NPNT: variants seen among roughly 807,000 people sequenced by gnomAD.
The protein encoded by NPNT is preosteoblast EGF-like repeat protein with MAM domain.
In NPNT, 45 loss-of-function variants were observed where a neutral mutation model predicts 68.6. The observed-to-expected ratio is 0.66, with a 90% CI of 0.52 to 0.84. The LOEUF (loss-of-function observed/expected upper bound fraction) is 0.84, where lower values mean the gene tolerates loss of function less well. Ranked by LOEUF, NPNT falls within the 40% of genes least tolerant of loss-of-function variation. The pLI is 0.00. For missense variants in NPNT, 672 were observed against 714.8 expected, an observed-to-expected ratio of 0.94 and a Z score of 0.68; for synonymous variants, 233 against 253.3, an observed-to-expected ratio of 0.92 and a Z score of 0.76.
intron 2 of NPNT, among the ~76,000 whole-genome samples, chr4:105,901,199 G>A (rs989634335): frequency 6.6e-6 from 1 of 152,126 alleles, no homozygotes; most frequent in Non-Finnish European, 1.5e-5. Flanking sequence ...ATCTTTAAAA[G>A]CTGTGTACAC....
At chr4:105,968,520 G>T (rs951807552) in intron 11 of NPNT, among the ~76,000 whole-genome samples, 1 of 152,230 alleles carries the variant, frequency 6.6e-6, no homozygotes, top group Non-Finnish European at 1.5e-5. Context: ...AAGATAGGCT[G>T]TGTGATTATG....
intron 2 of NPNT, among the ~76,000 whole-genome samples, chr4:105,905,825 T>C (rs906319363): frequency 6.6e-6 from 1 of 152,202 alleles, no homozygotes; most frequent in Non-Finnish European, 1.5e-5. Context: ...GGTTTCATTT[T>C]ATTGCTACAA....
chr4:105,964,912 A>G (rs924385052), intron 10 of NPNT, among the ~76,000 whole-genome samples: 86 of 152,366 alleles, frequency 5.6e-4, no homozygotes, highest in African/African-American at 2.0e-3. Flanking sequence ...AAAAATGGTT[A>G]TACAAGAAGC....
chr4:105,895,510 C>G lies in NPNT; in HGVS notation c.-143C>G, dbSNP rs1046585622. 4.5e-6 allele frequency: 3 copies of G among 669,044 alleles called. No homozygotes were observed. Among genetic ancestry groups the G allele is most frequent in the Admixed American group, 3.0e-5 (1 of 33,034 alleles). The allele number at this position is 669,044 out of a possible 1,614,324, so 41.4% of individuals were successfully genotyped here. A position where few individuals can be genotyped will look rare whatever the true frequency, so the allele number is the denominator to read the frequency against. On this transcript the variant is annotated 5_prime_UTR_variant, in exon 1 of 12. Coordinates refer to ENST00000379987, the MANE Select transcript of NPNT (RefSeq NM_001033047.3). ...CTCCGGCCGCGCGCCTCGCCGCTGT[C>G]CTCCGGGAGCGGCAGCAGTAGCCCG... is the stretch of plus-strand genomic sequence containing the variant.
At chr4:105,925,966 A>G (rs1390323173) in intron 2 of NPNT, among the ~76,000 whole-genome samples, 1 of 152,214 alleles carries the variant, frequency 6.6e-6, no homozygotes, top group African/African-American at 2.4e-5. Context: ...TGTAGGGAAC[A>G]TAATCATCTG....
intron 10 of NPNT, among the ~76,000 whole-genome samples, chr4:105,962,394 C>T (rs931656281): frequency 4.6e-5 from 7 of 151,682 alleles, no homozygotes; most frequent in African/African-American, 1.7e-4. Context: ...TCTCTGTGAC[C>T]GAAAGGGGAT....
intron 3 of NPNT, chr4:105,932,594 A>G: frequency 6.6e-7 from 1 of 1,516,880 alleles, no homozygotes; most frequent in South Asian, 1.2e-5. Context: ...GACTCTTATT[A>G]CCTTCTTCCT....
chr4:105,959,748 T>C (rs1391827381), intron 10 of NPNT, among the ~76,000 whole-genome samples: 1 of 151,984 alleles, frequency 6.6e-6, no homozygotes, highest in East Asian at 1.9e-4. Flanking sequence ...AAAGTTTTAG[T>C]ACTCATAAGA....
Position 105,959,100 on chromosome 4 carries a change from A to G in NPNT, c.1319A>G (p.His440Arg), listed in dbSNP as rs550276139. 2.5e-6 allele frequency: 4 copies of G among 1,613,102 alleles called. No individual in the cohort carries two copies. The highest frequency in any genetic ancestry group is 1.3e-5 in the African/African-American group (1 of 75,022). The change falls in exon 10 of 12, where the codon CAC becomes CGC. Residue 440 changes from histidine (H) to arginine (R), a missense_variant. Transcript: ENST00000379987. ...ATCAGGGAGAAAGACAATGACTTGC[A>G]CTGGGAACCAATCAGGGACCCAGCA... ...GWIREKDNDL[H>R]WEPIRDPAGG...
At chr4:105,914,940 A>G (rs1389129615) in intron 2 of NPNT, among the ~76,000 whole-genome samples, 2 of 152,188 alleles carry the variant, frequency 1.3e-5, no homozygotes, top group Non-Finnish European at 2.9e-5. Flanking sequence ...TATTAAATAC[A>G]TTTGCCTTAA....
At chr4:105,941,959 A>C (rs943391925) in intron 7 of NPNT, among the ~76,000 whole-genome samples, 1 of 152,140 alleles carries the variant, frequency 6.6e-6, no homozygotes, top group African/African-American at 2.4e-5. Context: ...GCATTTTAAA[A>C]ATTCTCATTG....
intron 2 of NPNT, among the ~76,000 whole-genome samples, chr4:105,903,402 A>T (rs1726585663): frequency 6.6e-6 from 1 of 152,144 alleles, no homozygotes; most frequent in Non-Finnish European, 1.5e-5. Context: ...CACAGGGGAG[A>T]TGGAAGGGCA....
chr4:105,915,018 G>A (rs990487599), intron 2 of NPNT, among the ~76,000 whole-genome samples: 3 of 152,170 alleles, frequency 2.0e-5, no homozygotes, highest in African/African-American at 7.2e-5. Context: ...AGGATAGCTG[G>A]TGGTAATGGA....
chr4:105,931,679 A>G (rs1166256036), intron 3 of NPNT, among the ~76,000 whole-genome samples: 2 of 151,300 alleles, frequency 1.3e-5, no homozygotes, highest in African/African-American at 4.8e-5. Context: ...AAAAAAAAAA[A>G]AAAAAAAAAA....
chr4:105,915,373 C>T (rs1727722054), intron 2 of NPNT, among the ~76,000 whole-genome samples: 1 of 152,088 alleles, frequency 6.6e-6, no homozygotes, highest in African/African-American at 2.4e-5. Flanking sequence ...AGTGTTAGGG[C>T]AGTGGCGGGG....
At chr4:105,967,095 G>T (rs199864117) in intron 10 of NPNT, 93 bp from the exon 11 acceptor site, 18 of 1,036,310 alleles carry the variant, frequency 1.7e-5, no homozygotes, top group Non-Finnish European at 2.1e-5. Context: ...ACAAAGAAAA[G>T]AAAAAAAAAA....
At chr4:105,896,042 A>T (rs371947959) in intron 1 of NPNT, 31 of 380,044 alleles carry the variant, frequency 8.2e-5, no homozygotes, top group African/African-American at 5.9e-4. Context: ...CGGTTTAGCC[A>T]CCTACGCCGA....
At chr4:105,959,508 C>G (rs1206791540) in intron 10 of NPNT, among the ~76,000 whole-genome samples, 3 of 142,904 alleles carry the variant, frequency 2.1e-5, no homozygotes, top group Admixed American at 7.0e-5. Flanking sequence ...GTTGTTTTTT[C>G]TTTGTTTTTC....
chr4:105,958,888 C>A, intron 9 of NPNT, 140 bp from the exon 10 acceptor site: 1 of 617,296 alleles, frequency 1.6e-6, no homozygotes, highest in Non-Finnish European at 2.9e-6. Flanking sequence ...ATGTAATTTC[C>A]CTTTGGTCTT....
Sources: allele counts gnomAD v4.1 joint callset (sites outside exome capture counted in the v4.1 genomes callset), GRCh38; gene constraint gnomAD v4.1.1; transcripts MANE v1.5; gene names NCBI Gene and HGNC (gene_info 2026-07-23, HGNC 2026-07-21).